The following WDR3 variants were observed in gnomAD, a reference collection of about 807,000 sequenced individuals.
The protein encoded by WDR3 is WD repeat-containing protein 3.
A neutral mutation model predicts 123.7 loss-of-function variants in WDR3; 81 were observed. The observed-to-expected ratio is 0.65, with a 90% confidence interval of 0.55 to 0.79. The LOEUF is 0.79. Among genes scored for constraint, WDR3 ranks in the 30% least tolerant of loss-of-function variants. WDR3 has a pLI of 0.00. For synonymous variants in WDR3, 390 were observed against 388.8 expected, an observed-to-expected ratio of 1.00 and a Z score of -0.04; for missense variants, 1,027 against 1,123.2, an observed-to-expected ratio of 0.91 and a Z score of 1.22.
intron 3 of WDR3, among the ~76,000 whole-genome samples, chr1:117,935,261 A>G (rs1020989563): frequency 2.0e-5 from 3 of 152,200 alleles, no homozygotes; most frequent in African/African-American, 7.2e-5. Flanking sequence ...ACATATGTTT[A>G]TATAGATACA....
chr1:117,947,126 G>A (rs147707920), intron 12 of WDR3, among the ~76,000 whole-genome samples: 126 of 152,094 alleles, frequency 8.3e-4, no homozygotes, highest in African/African-American at 2.9e-3. Context: ...TGGTGTTCTC[G>A]TGGAAAATGA....
chr1:117,943,743 G>T, intron 11 of WDR3, 117 bp downstream of exon 11: 1 of 912,184 alleles, frequency 1.1e-6, no homozygotes, highest in Non-Finnish European at 1.6e-6. Context: ...TATCTTTAGT[G>T]CATTTGGGCC....
chr1:117,941,305 G>A (rs1336562591), intron 8 of WDR3, 80 bp downstream of exon 8: 2 of 1,425,486 alleles, frequency 1.4e-6, no homozygotes, highest in Non-Finnish European at 1.9e-6. Flanking sequence ...TCAATGTAAA[G>A]ATGACTTTTT....
intron 25 of WDR3, 38 bp from the exon 26 acceptor site, chr1:117,958,872 C>A: frequency 1.3e-6 from 2 of 1,566,792 alleles, no homozygotes; most frequent in South Asian, 1.1e-5. Flanking sequence ...AGGGCTAGAA[C>A]CTCTCTGCAA....
intron 21 of WDR3, 127 bp downstream of exon 21, chr1:117,953,668 A>G: frequency 2.4e-6 from 2 of 833,172 alleles, no homozygotes; most frequent in Admixed American, 2.7e-5. Flanking sequence ...AAAGATGGGG[A>G]TTATAACCTG....
At chr1:117,951,897 G>C in intron 16 of WDR3, 79 bp from the exon 17 acceptor site, 1 of 1,318,560 alleles carries the variant, frequency 7.6e-7, no homozygotes, top group Non-Finnish European at 1.1e-6. Context: ...GAAAGAAATG[G>C]GTTAAATATT....
At chr1:117,946,924 G>A (rs1651422756) in intron 12 of WDR3, among the ~76,000 whole-genome samples, 1 of 127,134 alleles carries the variant, frequency 7.9e-6, no homozygotes, top group Admixed American at 9.3e-5. Context: ...CTGGGTGACA[G>A]AGCAAGACTC....
chr1:117,945,818 G>A (rs1205966515), intron 11 of WDR3, among the ~76,000 whole-genome samples: 1 of 152,154 alleles, frequency 6.6e-6, no homozygotes, highest in Non-Finnish European at 1.5e-5. Context: ...ATGGCAGATT[G>A]GGCTCCGTGG....
intron 12 of WDR3, among the ~76,000 whole-genome samples, chr1:117,947,273 G>A (rs941686064): frequency 6.6e-6 from 1 of 152,152 alleles, no homozygotes; most frequent in African/African-American, 2.4e-5. Context: ...AGAATAAAAT[G>A]GAACAAGGTC....
At chr1:117,935,050 C>T (rs958702751) in intron 3 of WDR3, among the ~76,000 whole-genome samples, 3 of 152,136 alleles carry the variant, frequency 2.0e-5, no homozygotes, top group Non-Finnish European at 4.4e-5. Flanking sequence ...TCCTGTATCT[C>T]ACAAGTCATG....
chr1:117,942,899 T>G lies in WDR3; in HGVS notation c.1097+355T>G, dbSNP rs557914282. On this transcript the variant is annotated intron_variant, in intron 10 of 26. Coordinates refer to ENST00000349139, the MANE Select transcript of WDR3 (RefSeq NM_006784.3). The stretch of plus-strand genomic sequence containing the variant: ...CAGGATCTGAGCCTAGTTTTTTTTT[T>G]TTTTTTTTTTTTTTACTTAAAAGCC... Among the ~76,000 whole-genome samples the G allele has an allele frequency of 6.2e-4, 94 of 150,776 alleles. 1 individual carries two copies. The highest frequency in any genetic ancestry group is 3.7e-3 in the East Asian group (19 of 5,106).
intron 21 of WDR3, 29 bp from the exon 22 acceptor site, chr1:117,953,978 T>C: frequency 6.3e-7 from 1 of 1,581,856 alleles, no homozygotes; most frequent in Non-Finnish European, 8.6e-7. Context: ...TATGTTGTGA[T>C]GACTTCTTTC....
At chr1:117,954,718 G>T in intron 23 of WDR3, 91 bp downstream of exon 23, 1 of 1,249,926 alleles carries the variant, frequency 8.0e-7, no homozygotes, top group South Asian at 1.4e-5. Context: ...ATTTGGGGAT[G>T]GATTATTGGG....
At chr1:117,932,884 T>C (rs1650782490) in intron 1 of WDR3, among the ~76,000 whole-genome samples, 1 of 152,136 alleles carries the variant, frequency 6.6e-6, no homozygotes, top group African/African-American at 2.4e-5. Context: ...AGTTACATGC[T>C]TTTAATGACA....
chr1:117,953,429 A>C, intron 20 of WDR3, 47 bp from the exon 21 acceptor site: 1 of 1,579,486 alleles, frequency 6.3e-7, no homozygotes, highest in East Asian at 2.2e-5. Context: ...CAGCTCTTTA[A>C]CTCAACAGTC....
At chr1:117,955,416 T>G in intron 24 of WDR3, 58 bp downstream of exon 24, 2 of 1,490,384 alleles carry the variant, frequency 1.3e-6, no homozygotes, top group East Asian at 2.3e-5. Flanking sequence ...TATGAAGTGC[T>G]TATCTGAACG....
At chr1:117,936,247 A>G (rs1008366394) in intron 3 of WDR3, among the ~76,000 whole-genome samples, 2 of 152,140 alleles carry the variant, frequency 1.3e-5, no homozygotes, top group Non-Finnish European at 1.5e-5. Context: ...TAAACATATC[A>G]TATAACCCAA....
At chr1:117,941,941 T>C in intron 9 of WDR3, 94 bp downstream of exon 9, 1 of 1,452,820 alleles carries the variant, frequency 6.9e-7, no homozygotes, top group Non-Finnish European at 9.0e-7. Flanking sequence ...TTTACTGTCT[T>C]ATCAATTACC....
In WDR3 at chr1:117,960,292, C is replaced by CTG. The variant is rs1368999466; in HGVS notation, c.*847_*848dup. ...CCCCAAAGTCTTAAGTACTAGTAGC[C>CTG]TGTTATTGACTGGGAGCCTGACTGA... On this transcript the variant is annotated 3_prime_UTR_variant, in exon 27 of 27. Coordinates refer to ENST00000349139, the MANE Select transcript of WDR3 (RefSeq NM_006784.3). 6.6e-6 allele frequency: 1 copy of CTG among 152,036 alleles called. No individual in the cohort carries two copies. The highest frequency in any genetic ancestry group is 1.5e-5 in the Non-Finnish European group (1 of 68,020). The allele number at this position is 152,036 out of a possible 1,614,324, so 9.4% of individuals were successfully genotyped here.
Sources: allele counts gnomAD v4.1 joint callset (sites outside exome capture counted in the v4.1 genomes callset), GRCh38; gene constraint gnomAD v4.1.1; transcripts MANE v1.5; gene names NCBI Gene and HGNC (gene_info 2026-07-23, HGNC 2026-07-21).